Variants in DLG2 observed in about 807,000 individuals in gnomAD.
The protein encoded by DLG2 is discs large MAGUK scaffold protein 2.
DLG2 carries 45 observed loss-of-function variants against 132.5 expected under a neutral mutation model. That is an observed-to-expected ratio of 0.34 (90% CI 0.27 to 0.44). The LOEUF is 0.44. Among genes scored for constraint, DLG2 ranks in the 20% least tolerant of loss-of-function variants. The probability of loss-of-function intolerance (pLI) is 1.00; values close to 1 mark genes in which losing one functional copy is unlikely to be tolerated. For missense variants in DLG2, 1,045 were observed against 1,196.9 expected (o/e 0.87, Z 1.87); for synonymous variants, 424 against 419.6 (o/e 1.01, Z -0.13).
chr11:85,083,289 A>T (rs1012134190), intron 6 of DLG2, among the ~76,000 whole-genome samples: 1 of 152,126 alleles, frequency 6.6e-6, no homozygotes, highest in African/African-American at 2.4e-5. Flanking sequence ...AACCTGTCCT[A>T]TTGGTTTGAG....
intron 8 of DLG2, among the ~76,000 whole-genome samples, chr11:84,206,389 A>G (rs543215206): frequency 7.9e-5 from 12 of 152,230 alleles, no homozygotes; most frequent in African/African-American, 2.9e-4. Context: ...ATCCCAAGTC[A>G]TTTTTTGAGG....
intron 18 of DLG2, among the ~76,000 whole-genome samples, chr11:83,741,104 C>T (rs1482110685): frequency 6.6e-6 from 1 of 152,148 alleles, no homozygotes; most frequent in African/African-American, 2.4e-5. Flanking sequence ...TCCAAATTCC[C>T]TTCACTGATA....
intron 19 of DLG2, among the ~76,000 whole-genome samples, chr11:83,618,425 G>A (rs2061158731): frequency 6.6e-6 from 1 of 152,138 alleles, no homozygotes; most frequent in Non-Finnish European, 1.5e-5. Flanking sequence ...AAAAAGCTAG[G>A]AAGTACCCTC....
At chr11:83,785,173 G>T (rs929316660) in intron 18 of DLG2, among the ~76,000 whole-genome samples, 6 of 151,990 alleles carry the variant, frequency 3.9e-5, no homozygotes, top group Non-Finnish European at 5.9e-5. Flanking sequence ...TCCTGCCTCA[G>T]CCTCCTGAGT....
At chr11:83,641,519 T>A (rs2066498682) in intron 18 of DLG2, among the ~76,000 whole-genome samples, 1 of 152,190 alleles carries the variant, frequency 6.6e-6, no homozygotes. Context: ...CCAGTCACAT[T>A]ACTTTAGGCT....
rs548797759 is a variant in DLG2 at position 84,672,276 on chromosome 11, C to T, written c.358-137545G>A. On this transcript the variant is annotated intron_variant, in intron 6 of 27. Coordinates refer to ENST00000376104, the MANE Select transcript of DLG2 (RefSeq NM_001142699.3). ...CTTCTTCAAGAGAGATCCAACTCTG[C>T]CTAAACCTAAATGATGAGTTGGAAT... Among the ~76,000 whole-genome samples, 128 of 152,144 alleles carry T rather than the reference C, an allele frequency of 8.4e-4. 3 individuals are homozygous for T. In the South Asian group the frequency reaches 0.025, roughly 30 times the overall value.
At chr11:85,395,823 T>C (rs1366219655) in intron 3 of DLG2, among the ~76,000 whole-genome samples, 3 of 152,214 alleles carry the variant, frequency 2.0e-5, no homozygotes, top group African/African-American at 7.2e-5. Flanking sequence ...TCGATTCCAC[T>C]TCTAAGGGCA....
intron 7 of DLG2, among the ~76,000 whole-genome samples, chr11:84,497,337 G>A (rs1263134886): frequency 6.6e-6 from 1 of 152,078 alleles, no homozygotes; most frequent in African/African-American, 2.4e-5. Flanking sequence ...AGGAGAGCTG[G>A]AGCTTGTTCT....
intron 3 of DLG2, among the ~76,000 whole-genome samples, chr11:85,432,715 G>A (rs1179390883): frequency 6.6e-6 from 1 of 152,084 alleles, no homozygotes; most frequent in Non-Finnish European, 1.5e-5. Context: ...TGAAAGAGAG[G>A]AGAATAGAAC....
At chr11:84,962,888 A>G (rs998436659) in intron 6 of DLG2, among the ~76,000 whole-genome samples, 1 of 152,254 alleles carries the variant, frequency 6.6e-6, no homozygotes, top group Admixed American at 6.5e-5. Flanking sequence ...AAATGCAAAA[A>G]GCAGAGGTAA....
chr11:85,214,024 A>C (rs1353798878), intron 4 of DLG2, among the ~76,000 whole-genome samples: 1 of 152,034 alleles, frequency 6.6e-6, no homozygotes, highest in East Asian at 1.9e-4. Flanking sequence ...CTCCTTTTGA[A>C]TCTCCTCCTT....
intron 6 of DLG2, among the ~76,000 whole-genome samples, chr11:85,022,615 T>TA (rs1349032160): frequency 6.6e-6 from 1 of 152,002 alleles, no homozygotes; most frequent in Non-Finnish European, 1.5e-5. Context: ...GTTTTGTCTG[T>TA]AAAAAAAGAA....
chr11:83,662,083 A>C (rs2074424109), intron 18 of DLG2, among the ~76,000 whole-genome samples: 1 of 152,146 alleles, frequency 6.6e-6, no homozygotes, highest in Non-Finnish European at 1.5e-5. Context: ...GTAAGGAAAC[A>C]GCAGCAGAAA....
chr11:83,610,641 C>G (rs1239127487), intron 19 of DLG2, among the ~76,000 whole-genome samples: 1 of 152,088 alleles, frequency 6.6e-6, no homozygotes, highest in African/African-American at 2.4e-5. Context: ...TTTAATGCAT[C>G]ATCTCATTTA....
At chr11:85,610,137 C>A (rs1398911388) in intron 2 of DLG2, among the ~76,000 whole-genome samples, 1 of 152,130 alleles carries the variant, frequency 6.6e-6, no homozygotes, top group Non-Finnish European at 1.5e-5. Flanking sequence ...GCTAAAAGAT[C>A]CCACCACTTT....
At chr11:84,329,019 T>C (rs576721676) in intron 7 of DLG2, among the ~76,000 whole-genome samples, 2 of 152,322 alleles carry the variant, frequency 1.3e-5, no homozygotes, top group Admixed American at 1.3e-4. Context: ...AGACTTTGAA[T>C]AAACAAGTGT....
intron 19 of DLG2, among the ~76,000 whole-genome samples, chr11:83,623,258 T>C (rs765398769): frequency 3.3e-5 from 5 of 152,144 alleles, no homozygotes; most frequent in Non-Finnish European, 4.4e-5. Context: ...TTTTTGAAAA[T>C]TTAATCTGAG....
At chr11:83,531,130 C>A (rs984820639) in intron 21 of DLG2, among the ~76,000 whole-genome samples, 2 of 151,690 alleles carry the variant, frequency 1.3e-5, no homozygotes, top group African/African-American at 4.8e-5. Context: ...ACACCAAAAG[C>A]AAAAATAACA....
intron 7 of DLG2, among the ~76,000 whole-genome samples, chr11:84,400,902 C>T (rs1055382059): frequency 2.6e-5 from 4 of 152,094 alleles, no homozygotes; most frequent in Non-Finnish European, 5.9e-5. Context: ...TCTACCCTGT[C>T]TACTGCAATA....
Sources: gnomAD v4.1 joint callset for allele counts (sites outside exome capture counted in the v4.1 genomes callset) on GRCh38, gnomAD v4.1.1 for gene constraint, MANE v1.5 for transcripts, NCBI Gene and HGNC (gene_info 2026-07-23, HGNC 2026-07-21) for gene names.